DOK4: variants seen among roughly 807,000 people sequenced by gnomAD.
DOK4 encodes docking protein 4, also known as downstream of tyrosine kinase 4.
DOK4 carries 26 observed loss-of-function variants against 40.1 expected under a neutral mutation model. That is an observed-to-expected ratio of 0.65 (90% confidence interval 0.48 to 0.90). The LOEUF (loss-of-function observed/expected upper bound fraction) is 0.90, where lower values mean the gene tolerates loss of function less well. Ranked by LOEUF, DOK4 falls within the 40% of genes least tolerant of loss-of-function variation. The pLI is 0.00. For synonymous variants in DOK4, 179 were observed against 177.0 expected, an observed-to-expected ratio of 1.01 and a Z score of -0.09; for missense variants, 392 against 437.2, an observed-to-expected ratio of 0.90 and a Z score of 0.92.
At chr16:57,481,695 C>G (rs1389493815) in intron 1 of DOK4, 1 of 152,244 alleles carries the variant, frequency 6.6e-6, no homozygotes, top group Non-Finnish European at 1.5e-5. Context: ...TAGCACAGCC[C>G]GGAGTGTGAA....
Position 57,473,865 on chromosome 16 carries a change from T to TA in DOK4, c.738+35_738+36insT, listed in dbSNP as rs1555515973. 5 of 1,532,516 alleles carry TA rather than the reference T, an allele frequency of 3.3e-6. No individual in the cohort carries two copies. In the South Asian group the frequency reaches 5.7e-5, roughly 17 times the overall value. The allele number at this position is 1,532,516 out of a possible 1,614,324, so 94.9% of individuals were successfully genotyped here. A position where few individuals can be genotyped will look rare whatever the true frequency, so the allele number is the denominator to read the frequency against. ...CCCTGCCTGCCCGCCCGTTCCCCCC[T>TA]CCCCCCGTACCCTGGACTGATGCCC... On this transcript the variant is annotated intron_variant, in intron 7 of 8. Transcript: ENST00000340099.
chr16:57,475,629 G>A lies in DOK4; in HGVS notation c.175-9C>T, dbSNP rs2031118213. The A allele has an allele frequency of 6.3e-7, 1 of 1,580,702 alleles. No individual in the cohort carries two copies. ...TTGCTGATCTCAGTCACCTGGGACA[G>A]CATCCACAAGGGACTTAGCCAGGCC... On this transcript the variant is annotated splice_polypyrimidine_tract_variant and intron_variant, in intron 3 of 8. Transcript: ENST00000340099.
intron 1 of DOK4, among the ~76,000 whole-genome samples, chr16:57,483,771 T>G (rs1327202918): frequency 2.6e-5 from 4 of 152,174 alleles, no homozygotes; most frequent in Non-Finnish European, 5.9e-5. Flanking sequence ...GCAGGAAGAA[T>G]GCTTGCTACT....
At chr16:57,475,686 CTCTCTCTCT>C in intron 3 of DOK4, 66 bp from the exon 4 acceptor site, 1 of 909,056 alleles carries the variant, frequency 1.1e-6, no homozygotes. Context: ...CTCTCTCTCT[CTCTCTCTCT>C]CCCTCCCTCC....
At chr16:57,482,599 C>G (rs1297019737) in intron 1 of DOK4, among the ~76,000 whole-genome samples, 1 of 151,944 alleles carries the variant, frequency 6.6e-6, no homozygotes, top group East Asian at 1.9e-4. Context: ...GATCTCCTGA[C>G]CTTGTGATCC....
At chr16:57,478,346 C>T (rs554948732) in intron 2 of DOK4, among the ~76,000 whole-genome samples, 50 of 143,672 alleles carry the variant, frequency 3.5e-4, no homozygotes, top group African/African-American at 1.2e-3. Context: ...GTGGCAGATC[C>T]CTCTCCCACT....
rs747136620 is a variant in DOK4, at chr16:57,479,561, C to G, written c.-54G>C. 1.1e-5 allele frequency: 18 copies of G among 1,596,950 alleles called. No individual in the cohort carries two copies. Among genetic ancestry groups the G allele is most frequent in the Non-Finnish European group, 9.4e-6 (11 of 1,168,368 alleles). ...CCTGGCAGAGGCGAGGGGAAGGATG[C>G]CCAGGTGCCTGGGTCTCCGGCTCCT... On this transcript the variant is annotated 5_prime_UTR_variant, in exon 2 of 9. Transcript: ENST00000340099. The surrounding 1 kb of genome is among the most constrained non-coding windows in gnomAD (Gnocchi z 5.8).
chr16:57,473,978 G>A lies in DOK4; in HGVS notation c.661C>T (p.Gln221Ter). ...GCCAGGGTGGCACTGTGGACGCGCTGGTAAATCTGCTCCCCCTCTTGTGTC... is the reference window on the plus strand; with the variant it reads ...GCCAGGGTGGCACTGTGGACGCGCTAGTAAATCTGCTCCCCCTCTTGTGTC... The change falls in exon 7 of 9, where the codon CAG (glutamine) becomes TAG (stop). Residue 221 changes from glutamine to a stop codon, truncating the protein, a stop_gained. Coordinates refer to ENST00000340099, the Ensembl canonical transcript of DOK4. LOFTEE classifies it high-confidence loss of function. 6.2e-7 allele frequency: 1 copy of A among 1,614,064 alleles called. No homozygotes were observed. Among genetic ancestry groups the A allele is most frequent in the Non-Finnish European group, 8.5e-7 (1 of 1,180,024 alleles).
intron 2 of DOK4, among the ~76,000 whole-genome samples, chr16:57,477,860 AG>A (rs1429598909): frequency 2.0e-5 from 3 of 152,134 alleles, no homozygotes; most frequent in African/African-American, 7.2e-5. Context: ...CTGGCTTCAG[AG>A]GGAAGAGAAT....
At position 57,473,890 on chromosome 16, in the gene DOK4, C is replaced by A; in HGVS notation, c.738+11G>T. On this transcript the variant is annotated intron_variant, in intron 7 of 8. Coordinates refer to ENST00000340099, the Ensembl canonical transcript of DOK4. ...TCCCCCCGTACCCTGGACTGATGCC[C>A]GCTGCCTCACCCTCACGTTCTTCTC... The A allele has an allele frequency of 6.2e-7, 1 of 1,613,202 alleles. No homozygotes were observed. Among genetic ancestry groups the A allele is most frequent in the Non-Finnish European group, 8.5e-7 (1 of 1,179,838 alleles).
chr16:57,473,343 C>T (rs374817058), exon 9 of DOK4: 52 of 1,596,790 alleles, frequency 3.3e-5, no homozygotes, highest in Non-Finnish European at 4.3e-5. Flanking sequence ...AGCAGGCAGC[C>T]CCCAGCAGTC....
At chr16:57,475,983 G>A (rs768125649) in intron 2 of DOK4, 26 bp from the exon 3 acceptor site, 3 of 1,588,636 alleles carry the variant, frequency 1.9e-6, no homozygotes, top group Admixed American at 3.5e-5. Context: ...ACAGGGCTCA[G>A]GCCTCCCTGG....
intron 7 of DOK4, 45 bp from the exon 8 acceptor site, chr16:57,473,781 A>G: frequency 6.3e-7 from 1 of 1,589,776 alleles, no homozygotes; most frequent in Non-Finnish European, 8.6e-7. Flanking sequence ...GGCTTACAGT[A>G]TCCCTGAGCA....
chr16:57,472,630 C>T (rs2030912229), exon 9 of DOK4: 1 of 152,588 alleles, frequency 6.6e-6, no homozygotes, highest in Admixed American at 6.5e-5. Flanking sequence ...GAACAAGCTC[C>T]AGCCTTCCTC....
intron 2 of DOK4, among the ~76,000 whole-genome samples, chr16:57,477,106 G>C (rs2031214397): frequency 6.6e-6 from 1 of 152,234 alleles, no homozygotes; most frequent in South Asian, 2.1e-4. Flanking sequence ...GTGGCCGAGA[G>C]CACAGCAGAG....
exon 9 of DOK4, chr16:57,473,317 CTG>C (rs1199708578): frequency 1.3e-6 from 2 of 1,565,258 alleles, no homozygotes; most frequent in Non-Finnish European, 1.7e-6. Context: ...CCACGGTACA[CTG>C]CAGCCAGCCC....
At chr16:57,483,704 G>A (rs1457828302) in intron 1 of DOK4, among the ~76,000 whole-genome samples, 1 of 152,172 alleles carries the variant, frequency 6.6e-6, no homozygotes, top group Non-Finnish European at 1.5e-5. Flanking sequence ...CAGGAATTGG[G>A]TTGAAGTAGC....
At chr16:57,478,276 C>T (rs1026148656) in intron 2 of DOK4, among the ~76,000 whole-genome samples, 2 of 152,182 alleles carry the variant, frequency 1.3e-5, no homozygotes, top group Non-Finnish European at 2.9e-5. Flanking sequence ...GGAAGTGGGG[C>T]CAGAACCACC....
exon 4 of DOK4, chr16:57,475,589 G>C: frequency 1.2e-6 from 2 of 1,607,932 alleles, no homozygotes; most frequent in Non-Finnish European, 1.7e-6. Context: ...GGGGAGCCGC[G>C]TAACACACTT....
Sources: allele counts gnomAD v4.1 joint callset (sites outside exome capture counted in the v4.1 genomes callset), GRCh38; gene constraint gnomAD v4.1.1; non-coding constraint Gnocchi (gnomAD v3.1); transcripts MANE v1.5; gene names NCBI Gene and HGNC (gene_info 2026-07-23, HGNC 2026-07-21).